MGST2: variants seen among roughly 807,000 people sequenced by gnomAD.
The protein encoded by MGST2 is glutathione peroxidase MGST2.
MGST2 carries 9 observed loss-of-function variants against 16.6 expected under a neutral mutation model. That is an observed-to-expected ratio of 0.54 (90% confidence interval 0.33 to 0.95). MGST2 has a LOEUF of 0.95. Ranked by LOEUF, MGST2 falls within the 40% of genes least tolerant of loss-of-function variation. MGST2 has a pLI of 0.03. For missense variants in MGST2, 159 were observed against 175.1 expected (o/e 0.91, Z 0.52); for synonymous variants, 79 against 68.0 (o/e 1.16, Z -0.79).
chr4:139,730,621 G>A (rs1304444644), intron 5 of MGST2: 2 of 1,613,082 alleles, frequency 1.2e-6, no homozygotes, highest in East Asian at 4.5e-5. Flanking sequence ...GGGCACGGAG[G>A]ACTGCATGGG....
downstream of MGST2, among the ~76,000 whole-genome samples, chr4:139,744,385 C>A (rs1304806195): frequency 2.0e-5 from 3 of 152,148 alleles, no homozygotes. Flanking sequence ...AAGCAAACAA[C>A]CCACTTGCTT....
intron 5 of MGST2, among the ~76,000 whole-genome samples, chr4:139,713,080 AC>A (rs1480282686): frequency 6.6e-6 from 1 of 152,226 alleles, no homozygotes; most frequent in Non-Finnish European, 1.5e-5. Flanking sequence ...ACTCTGAAAA[AC>A]AAAGCAAAGC....
At chr4:139,708,529 T>C (rs557775419), downstream of MGST2, among the ~76,000 whole-genome samples, 2 of 152,332 alleles carry the variant, frequency 1.3e-5, no homozygotes, top group South Asian at 2.1e-4. Context: ...TGGCTTAGGA[T>C]TGACTTGGTG....
At chr4:139,751,800 A>G in the MGST2 span, among the ~76,000 whole-genome samples, 1 of 152,210 alleles carries the variant, frequency 6.6e-6, no homozygotes, top group African/African-American at 2.4e-5. Flanking sequence ...ACAGCAAGCC[A>G]TGGAGTTACA....
At chr4:139,730,710 A>C (rs1467384641) in intron 5 of MGST2, 2 of 1,550,464 alleles carry the variant, frequency 1.3e-6, no homozygotes, top group Non-Finnish European at 1.8e-6. Flanking sequence ...TTCCCCATAG[A>C]GACTCACTGC....
chr4:139,725,789 C>G (rs375746627), intron 5 of MGST2: 1 of 1,613,920 alleles, frequency 6.2e-7, no homozygotes, highest in Non-Finnish European at 8.5e-7. Context: ...GTATGGATTC[C>G]GCTGTGGCTG....
At chr4:139,681,879 A>G (rs1731259872) in intron 2 of MGST2, among the ~76,000 whole-genome samples, 1 of 152,152 alleles carries the variant, frequency 6.6e-6, no homozygotes, top group African/African-American at 2.4e-5. Context: ...AATAAACAAT[A>G]AGCAGATGAT....
Position 139,715,341 on chromosome 4 carries a change from A to G in MGST2, c.*48+11145A>G, listed in dbSNP as rs146447312. Among the ~76,000 whole-genome samples, 39 of 152,228 alleles carry G rather than the reference A, an allele frequency of 2.6e-4. No individual in the cohort carries two copies. The highest frequency in any genetic ancestry group is 5.3e-4 in the Non-Finnish European group (36 of 68,014). On this transcript the variant is annotated intron_variant, in intron 5 of 5. Coordinates refer to the MGST2 transcript ENST00000616265. The surrounding 1 kb of genome is among the most constrained non-coding windows in gnomAD (Gnocchi z 4.4). ...TCCAGAAATATGTTAGAGGACTCCAATACTTACCCAAAGGTAGCTGTTGGG... is the reference window on the plus strand; with the variant it reads ...TCCAGAAATATGTTAGAGGACTCCAGTACTTACCCAAAGGTAGCTGTTGGG...
downstream of MGST2, among the ~76,000 whole-genome samples, chr4:139,706,699 C>T (rs1727532029): frequency 6.6e-6 from 1 of 152,166 alleles, no homozygotes; most frequent in Non-Finnish European, 1.5e-5. Context: ...CACACACACA[C>T]ACTTTGGTTA....
chr4:139,714,805 A>C (rs1266750888), intron 5 of MGST2, among the ~76,000 whole-genome samples: 1 of 152,170 alleles, frequency 6.6e-6, no homozygotes, highest in Non-Finnish European at 1.5e-5. Context: ...TTGCAGCGAC[A>C]CTAAAAAGTT....
At chr4:139,746,666 G>T in the MGST2 span, among the ~76,000 whole-genome samples, 2 of 152,140 alleles carry the variant, frequency 1.3e-5, no homozygotes, top group South Asian at 4.1e-4. Flanking sequence ...AGATTCCGCA[G>T]ACGTTTGACA....
intron 1 of MGST2, among the ~76,000 whole-genome samples, chr4:139,677,856 CTT>C (rs1731044793): frequency 6.6e-6 from 1 of 152,142 alleles, no homozygotes; most frequent in African/African-American, 2.4e-5. Flanking sequence ...CAGAGGGTGA[CTT>C]TCTGTCCAGC....
chr4:139,684,660 A>G (rs1340090230), intron 2 of MGST2, among the ~76,000 whole-genome samples: 1 of 152,148 alleles, frequency 6.6e-6, no homozygotes, highest in Non-Finnish European at 1.5e-5. Flanking sequence ...TAGTTTCTCT[A>G]GAGAAAACTC....
chr4:139,687,644 C>G (rs1731636793), intron 2 of MGST2: 1 of 152,230 alleles, frequency 6.6e-6, no homozygotes, highest in South Asian at 2.1e-4. Context: ...AAAGTTATGA[C>G]TAATTCTATC....
At chr4:139,730,466 C>T (rs1382094448) in intron 5 of MGST2, 3 of 1,552,384 alleles carry the variant, frequency 1.9e-6, no homozygotes, top group Non-Finnish European at 2.6e-6. Flanking sequence ...TGCCTTTGCT[C>T]CCGCAGGAAC....
intron 5 of MGST2, among the ~76,000 whole-genome samples, chr4:139,725,002 G>A (rs1728407787): frequency 6.6e-6 from 1 of 151,994 alleles, no homozygotes; most frequent in Non-Finnish European, 1.5e-5. Context: ...CAAGTGATCC[G>A]TCCACCTCAG....
chr4:139,719,697 T>C, intron 5 of MGST2: 1 of 1,613,648 alleles, frequency 6.2e-7, no homozygotes, highest in Middle Eastern at 1.6e-4. Context: ...ACTGTGCCCG[T>C]GTTAGCATCC....
the MGST2 span, among the ~76,000 whole-genome samples, chr4:139,751,376 G>A: frequency 6.6e-6 from 1 of 152,142 alleles, no homozygotes; most frequent in South Asian, 2.1e-4. Context: ...TGGGACCCAA[G>A]TCTAAACACA....
chr4:139,741,631 C>A (rs1729167625), downstream of MGST2, among the ~76,000 whole-genome samples: 1 of 151,994 alleles, frequency 6.6e-6, no homozygotes, highest in Non-Finnish European at 1.5e-5. Context: ...CCTGTAGTCC[C>A]AATTACTCAG....
Sources: gnomAD v4.1 joint callset for allele counts (sites outside exome capture counted in the v4.1 genomes callset) on GRCh38, gnomAD v4.1.1 for gene constraint, Gnocchi (gnomAD v3.1) non-coding constraint, MANE v1.5 for transcripts, NCBI Gene and HGNC (gene_info 2026-07-23, HGNC 2026-07-21) for gene names.